Variants in KHDRBS2 observed in about 807,000 individuals in gnomAD.
KHDRBS2 encodes the protein KH RNA binding domain containing, signal transduction associated 2.
A neutral mutation model predicts 44.3 loss-of-function variants in KHDRBS2; 26 were observed. The observed-to-expected ratio is 0.59, with a 90% CI of 0.43 to 0.81. KHDRBS2 has a LOEUF of 0.81. Among genes scored for constraint, KHDRBS2 ranks in the 40% least tolerant of loss-of-function variants. The probability of loss-of-function intolerance (pLI) is 0.00; values close to 1 mark genes in which losing one functional copy is unlikely to be tolerated. For missense variants in KHDRBS2, 476 were observed against 433.1 expected, an observed-to-expected ratio of 1.10 and a Z score of -0.88; for synonymous variants, 194 against 151.1, an observed-to-expected ratio of 1.28 and a Z score of -2.08.
chr6:61,708,620 G>A (rs967914614), intron 7 of KHDRBS2, among the ~76,000 whole-genome samples: 9 of 151,524 alleles, frequency 5.9e-5, no homozygotes, highest in African/African-American at 2.2e-4. Context: ...GTGCTACAGG[G>A]CAGTCATGTT....
At chr6:62,246,424 A>G (rs1476362804) in intron 1 of KHDRBS2, among the ~76,000 whole-genome samples, 2 of 151,858 alleles carry the variant, frequency 1.3e-5, no homozygotes, top group Non-Finnish European at 2.9e-5. Flanking sequence ...CTAATAGTTC[A>G]TTTTTCACAT....
chr6:61,989,141 A>G (rs1369768568), intron 3 of KHDRBS2, among the ~76,000 whole-genome samples: 2 of 152,162 alleles, frequency 1.3e-5, no homozygotes, highest in African/African-American at 2.4e-5. Flanking sequence ...ACTTGTAATT[A>G]TAAGTGCTTT....
chr6:61,565,542 T>G, the KHDRBS2 span, among the ~76,000 whole-genome samples: 1 of 152,084 alleles, frequency 6.6e-6, no homozygotes, highest in Non-Finnish European at 1.5e-5. Context: ...GACATACAAA[T>G]AGCCAACAGG....
chr6:61,698,304 C>A (rs1768151083), intron 7 of KHDRBS2, among the ~76,000 whole-genome samples: 1 of 152,076 alleles, frequency 6.6e-6, no homozygotes, highest in African/African-American at 2.4e-5. Context: ...TCCTGGAGAC[C>A]ACTAGGGCTC....
At chr6:62,170,952 C>CA (rs34963723) in intron 2 of KHDRBS2, among the ~76,000 whole-genome samples, 80,741 of 129,574 alleles carry the variant, frequency 0.62, 24,043 homozygotes, top group Non-Finnish European at 0.66. Flanking sequence ...AAGATAAACG[C>CA]AAAAAAAAAA....
chr6:61,644,643 A>C, the KHDRBS2 span, among the ~76,000 whole-genome samples: 1 of 152,188 alleles, frequency 6.6e-6, no homozygotes. Context: ...AAAAGTAGGC[A>C]AAAGACATGA....
At chr6:61,734,435 T>G (rs1355011928) in intron 6 of KHDRBS2, among the ~76,000 whole-genome samples, 1 of 152,120 alleles carries the variant, frequency 6.6e-6, no homozygotes. Flanking sequence ...TTCAGTATTT[T>G]CATCTATTAT....
intron 1 of KHDRBS2, among the ~76,000 whole-genome samples, chr6:62,238,701 C>T (rs1217831327): frequency 2.6e-5 from 4 of 151,796 alleles, no homozygotes; most frequent in African/African-American, 9.7e-5. Flanking sequence ...CACACACACA[C>T]ACACACACAC....
chr6:61,612,418 C>T, the KHDRBS2 span, among the ~76,000 whole-genome samples: 1 of 152,150 alleles, frequency 6.6e-6, no homozygotes, highest in South Asian at 2.1e-4. Flanking sequence ...ATGGTCATTT[C>T]CCAACCAGCT....
intron 1 of KHDRBS2, among the ~76,000 whole-genome samples, chr6:62,267,097 C>T (rs1211330775): frequency 6.6e-6 from 1 of 152,078 alleles, no homozygotes; most frequent in South Asian, 2.1e-4. Context: ...ATGACCAGTC[C>T]TGTTCTCCTT....
At chr6:61,679,615 C>A (rs543940884), downstream of KHDRBS2, among the ~76,000 whole-genome samples, 4 of 151,886 alleles carry the variant, frequency 2.6e-5, no homozygotes, top group Non-Finnish European at 5.9e-5. Context: ...CCTTCTAGGG[C>A]GGTGATATTT....
chr6:62,122,853 A>G (rs1190315737), intron 2 of KHDRBS2, among the ~76,000 whole-genome samples: 1 of 142,656 alleles, frequency 7.0e-6, no homozygotes, highest in African/African-American at 2.7e-5. Flanking sequence ...TTCTTTTAAA[A>G]AGGTTTTATT....
At chr6:62,060,702 G>A (rs1584430454) in intron 2 of KHDRBS2, among the ~76,000 whole-genome samples, 1 of 150,178 alleles carries the variant, frequency 6.7e-6, no homozygotes, top group Non-Finnish European at 1.5e-5. Flanking sequence ...AAAAACAATT[G>A]CTCTTGTCTG....
chr6:62,000,556 C>T (rs535201138), intron 3 of KHDRBS2, among the ~76,000 whole-genome samples: 28 of 152,200 alleles, frequency 1.8e-4, no homozygotes, highest in Non-Finnish European at 3.1e-4. Context: ...CTTAAAGATT[C>T]GTAAGAGTTA....
At chr6:61,772,490 G>A (rs1372723800) in intron 6 of KHDRBS2, among the ~76,000 whole-genome samples, 3 of 151,996 alleles carry the variant, frequency 2.0e-5, no homozygotes, top group Admixed American at 6.6e-5. Flanking sequence ...TATCACCACC[G>A]ATCCCACAGA....
chr6:61,571,770 T>C, the KHDRBS2 span, among the ~76,000 whole-genome samples: 1 of 151,916 alleles, frequency 6.6e-6, no homozygotes, highest in Non-Finnish European at 1.5e-5. Context: ...ACTCTCAAAA[T>C]ATACAAACAC....
At chr6:61,588,454 C>T in the KHDRBS2 span, among the ~76,000 whole-genome samples, 1 of 152,126 alleles carries the variant, frequency 6.6e-6, no homozygotes, top group Admixed American at 6.6e-5. Flanking sequence ...GAGAGTGATA[C>T]TTTGTGGATC....
the KHDRBS2 span, among the ~76,000 whole-genome samples, chr6:61,597,436 G>T: frequency 6.6e-6 from 1 of 151,898 alleles, no homozygotes; most frequent in African/African-American, 2.4e-5. Context: ...CCAAGAAATG[G>T]CCAGTGGCAC....
chr6:62,069,545 C>T (rs757879848), intron 2 of KHDRBS2, among the ~76,000 whole-genome samples: 15 of 151,628 alleles, frequency 9.9e-5, no homozygotes, highest in Non-Finnish European at 3.0e-5. Context: ...TGGTGTTATT[C>T]AAGGTTTATG....
Sources: allele counts gnomAD v4.1 joint callset (sites outside exome capture counted in the v4.1 genomes callset), GRCh38; gene constraint gnomAD v4.1.1; transcripts MANE v1.5; gene names NCBI Gene and HGNC (gene_info 2026-07-23, HGNC 2026-07-21).